Variants in EHMT1 observed in about 807,000 individuals in gnomAD.
EHMT1 encodes the protein euchromatic histone lysine methyltransferase 1.
In EHMT1, 15 loss-of-function variants were observed where a neutral mutation model predicts 147.2. The ratio of observed to expected loss-of-function variants is 0.10; its 90% CI spans 0.07 to 0.16. The LOEUF is 0.16. Among genes scored for constraint, EHMT1 ranks in the 10% least tolerant of loss-of-function variants. The pLI is 1.00. For missense variants in EHMT1, 1,587 were observed against 1,772.4 expected, an observed-to-expected ratio of 0.90 and a Z score of 1.88; for synonymous variants, 795 against 709.6, an observed-to-expected ratio of 1.12 and a Z score of -1.91.
At chr9:137,800,711 C>T (rs1953406202) in intron 17 of EHMT1, 169 bp from the exon 18 acceptor site, 4 of 641,440 alleles carry the variant, frequency 6.2e-6, no homozygotes, top group Non-Finnish European at 1.1e-5. Context: ...CTGGGCTGTG[C>T]TCTGAGGAAG....
rs369458994 is a variant in EHMT1, at chr9:137,812,645, C to T, written c.2868-361C>T. Among the ~76,000 whole-genome samples the T allele has an allele frequency of 7.2e-5, 11 of 152,396 alleles. No homozygotes were observed. The East Asian group carries it at 1.5e-3, about 21-fold the overall frequency. ...CAGGAGTGGAACTGAGGACTGCTCA[C>T]GCTGTGCGTGGCCCAAGCTTGGCCT... On this transcript the variant is annotated intron_variant, in intron 19 of 26. Transcript: ENST00000460843.
intron 9 of EHMT1, among the ~76,000 whole-genome samples, chr9:137,760,800 G>A (rs1054271630): frequency 1.3e-5 from 2 of 152,222 alleles, no homozygotes; most frequent in Admixed American, 6.5e-5. Context: ...ACAAGGTCAG[G>A]AGATCGAGAC....
chr9:137,635,291 C>T (rs1843924572), intron 1 of EHMT1, among the ~76,000 whole-genome samples: 1 of 151,688 alleles, frequency 6.6e-6, no homozygotes, highest in Non-Finnish European at 1.5e-5. Context: ...ACTGCAACCT[C>T]CGCCTCCTGA....
intron 1 of EHMT1, among the ~76,000 whole-genome samples, chr9:137,704,884 C>G (rs1944131188): frequency 6.8e-6 from 1 of 146,960 alleles, no homozygotes; most frequent in South Asian, 2.2e-4. Context: ...TTCCCTCCCT[C>G]CCTCCTTTCC....
At chr9:137,743,618 A>C (rs1948297038) in intron 5 of EHMT1, 90 bp downstream of exon 5, 5 of 1,580,478 alleles carry the variant, frequency 3.2e-6, no homozygotes, top group Non-Finnish European at 4.3e-6. Context: ...GGGTGACCTC[A>C]GTCCCCGGGA....
intron 1 of EHMT1, among the ~76,000 whole-genome samples, chr9:137,677,745 A>G (rs1425468748): frequency 3.3e-5 from 5 of 152,072 alleles, no homozygotes; most frequent in African/African-American, 1.2e-4. Flanking sequence ...ATAACACAAC[A>G]CTGTTGTGTA....
At position 137,637,205 on chromosome 9, in the gene EHMT1, T is replaced by C. The variant is rs552963695; in HGVS notation, c.21+18156T>C. On this transcript the variant is annotated intron_variant, in intron 1 of 26. Coordinates refer to ENST00000460843, the MANE Select transcript of EHMT1 (RefSeq NM_024757.5). ...AGCCACCGCACCAAGCCCAGAGTTT[T>C]ACTGTTGTTGCCCAGGCTGGAGTGC... Among the ~76,000 whole-genome samples the C allele has an allele frequency of 1.4e-4, 21 of 151,950 alleles. No homozygotes were observed. The East Asian group carries it at 3.7e-3, about 27-fold the overall frequency.
rs1192984448 is a variant in EHMT1, at chr9:137,810,002, C to T, written c.2713-1459C>T. On this transcript the variant is annotated intron_variant, in intron 18 of 26. Transcript: ENST00000460843. ...GGTCCGGAGGCGGTTCCGATGCTGC[C>T]CCTCGTGGACTGTGGGTGATGGGTC... 4.7e-3 allele frequency among the ~76,000 whole-genome samples: 528 copies of T among 112,120 alleles called. 10 individuals are homozygous for T. Among genetic ancestry groups the T allele is most frequent in the Non-Finnish European group, 7.0e-3 (435 of 62,198 alleles). 73.6% of individuals were successfully genotyped at this position (112,120 alleles called of 152,430 possible). A position where few individuals can be genotyped will look rare whatever the true frequency, so the allele number is the denominator to read the frequency against.
chr9:137,758,651 C>G (rs1193485728), intron 9 of EHMT1, among the ~76,000 whole-genome samples: 4 of 152,116 alleles, frequency 2.6e-5, no homozygotes, highest in African/African-American at 9.7e-5. Context: ...GGAGGAAATG[C>G]AAATCTTATT....
In EHMT1 at chr9:137,779,702, G is replaced by T. The variant is rs368817518; in HGVS notation, c.2260G>T (p.Val754Leu). ...FSARQGELQK[V>L]LLMLVDGIDP... ...CGCCAGGCAAGGGGAGCTTCAGAAGGTGCTCCTCATGCTGGGTAAGTGCCT... is the reference window on the plus strand; with the variant it reads ...CGCCAGGCAAGGGGAGCTTCAGAAGTTGCTCCTCATGCTGGGTAAGTGCCT... The change falls in exon 14 of 27, where the codon GTG (valine) becomes TTG (leucine). Residue 754 changes from valine to leucine, a missense_variant. Physicochemically the swap from Val to Leu is conservative, Grantham distance 32. Around this residue, in one of 7 missense-constraint regions of EHMT1, gnomAD observed 201 missense variants for 350.1 expected, o/e 0.57. Transcript: ENST00000460843. 1 of 1,613,702 alleles carries T rather than the reference G, an allele frequency of 6.2e-7. No homozygotes were observed. Among genetic ancestry groups the T allele is most frequent in the Non-Finnish European group, 8.5e-7 (1 of 1,180,050 alleles).
intron 1 of EHMT1, among the ~76,000 whole-genome samples, chr9:137,678,820 G>A (rs1326273841): frequency 1.3e-5 from 2 of 151,210 alleles, no homozygotes; most frequent in Non-Finnish European, 2.9e-5. Flanking sequence ...GATGGGCATT[G>A]GTTACAGGAT....
chr9:137,675,054 C>T (rs1205335353), intron 1 of EHMT1: 1 of 152,144 alleles, frequency 6.6e-6, no homozygotes, highest in Admixed American at 6.5e-5. Context: ...AAAATTCATT[C>T]TTAGCTTGTG....
chr9:137,713,263 ATTTTTT>A lies in EHMT1; in HGVS notation c.85+2252_85+2257del, dbSNP rs59459382. On this transcript the variant is annotated intron_variant, in intron 2 of 26. Coordinates refer to ENST00000460843, the MANE Select transcript of EHMT1 (RefSeq NM_024757.5). ...AGGTGTGAGCCACCACACCATGCTAATTTTTTTTTTTTTTTTTTTTTTTTGAGATGG... is the reference window on the plus strand; with the variant it reads ...AGGTGTGAGCCACCACACCATGCTAATTTTTTTTTTTTTTTTTTGAGATGG... Among the ~76,000 whole-genome samples the A allele has an allele frequency of 5.7e-4, 58 of 102,356 alleles. 1 individual carries two copies. In the East Asian group the frequency reaches 6.3e-3, roughly 11 times the overall value. 67.1% of individuals were successfully genotyped at this position (102,356 alleles called of 152,430 possible). A position where few individuals can be genotyped will look rare whatever the true frequency, so the allele number is the denominator to read the frequency against.
In EHMT1 at chr9:137,787,864, A is replaced by T. The variant is rs1293312748; in HGVS notation, c.2383-2984A>T. ...GTTGACGGTGGACATTGGGGATAGGAGGTGGGTGGGGGTGCCAAGGGCATT... is the reference window on the plus strand; with the variant it reads ...GTTGACGGTGGACATTGGGGATAGGTGGTGGGTGGGGGTGCCAAGGGCATT... On this transcript the variant is annotated intron_variant, in intron 15 of 26. Transcript: ENST00000460843. This position sits in a 1 kb window ranked among gnomAD's most constrained non-coding sequence, Gnocchi z 4.2. 29 of 1,134,810 alleles carry T rather than the reference A, an allele frequency of 2.6e-5. No homozygotes were observed. The highest frequency in any genetic ancestry group is 3.6e-5 in the Non-Finnish European group (27 of 746,850). The allele number at this position is 1,134,810 out of a possible 1,614,324, so 70.3% of individuals were successfully genotyped here.
chr9:137,697,167 G>C (rs960841484), intron 1 of EHMT1: 4 of 354,334 alleles, frequency 1.1e-5, no homozygotes, highest in African/African-American at 4.3e-5. Context: ...TGTAATCCCA[G>C]CTACTTGGGA....
chr9:137,668,735 T>G lies in EHMT1; in HGVS notation c.22-42232T>G, dbSNP rs1589177279. 1.4e-4 allele frequency among the ~76,000 whole-genome samples: 7 copies of G among 50,268 alleles called. No homozygotes were observed. In the South Asian group the frequency reaches 5.3e-3, roughly 38 times the overall value. 33.0% of individuals were successfully genotyped at this position (50,268 alleles called of 152,430 possible). A position where few individuals can be genotyped will look rare whatever the true frequency, so the allele number is the denominator to read the frequency against. ...TCTTTCACTTAACTTAGTGTTTTCT[T>G]TTTTTTTTTTGCTGTTAATGGACAG... On this transcript the variant is annotated intron_variant, in intron 1 of 26. Coordinates refer to ENST00000460843, the MANE Select transcript of EHMT1 (RefSeq NM_024757.5).
At chr9:137,668,316 A>G (rs1398021582) in intron 1 of EHMT1, among the ~76,000 whole-genome samples, 1 of 150,052 alleles carries the variant, frequency 6.7e-6, no homozygotes, top group Non-Finnish European at 1.5e-5. Flanking sequence ...TCTCCCTTCT[A>G]TTCACCCACC....
chr9:137,715,671 TC>T, intron 2 of EHMT1: 1 of 985,394 alleles, frequency 1.0e-6, no homozygotes, highest in Non-Finnish European at 1.2e-6. Flanking sequence ...AAATAGTGTC[TC>T]CTTGACTGCC....
chr9:137,810,248 C>A (rs113430789), intron 18 of EHMT1, among the ~76,000 whole-genome samples: 1 of 113,234 alleles, frequency 8.8e-6, no homozygotes, highest in Non-Finnish European at 1.5e-5. Flanking sequence ...CCGCGTGGAC[C>A]GTCGGTGATG....
Sources: allele counts gnomAD v4.1 joint callset (sites outside exome capture counted in the v4.1 genomes callset), GRCh38; gene constraint gnomAD v4.1.1; regional missense constraint gnomAD v4.1.1; non-coding constraint Gnocchi (gnomAD v3.1); transcripts MANE v1.5; gene names NCBI Gene and HGNC (gene_info 2026-07-23, HGNC 2026-07-21).